The following SPAG16 variants were observed in gnomAD, a reference collection of about 807,000 sequenced individuals.
The protein encoded by SPAG16 is sperm associated antigen 16.
A neutral mutation model predicts 80.4 loss-of-function variants in SPAG16; 86 were observed. The ratio of observed to expected loss-of-function variants is 1.07; its 90% CI spans 0.90 to 1.28. SPAG16 has a LOEUF of 1.28. SPAG16 is among the 50% of genes most tolerant of loss of function. The probability of loss-of-function intolerance (pLI) is 0.00; values close to 1 mark genes in which losing one functional copy is unlikely to be tolerated. For synonymous variants in SPAG16, 294 were observed against 265.9 expected, an observed-to-expected ratio of 1.11 and a Z score of -1.03; for missense variants, 870 against 765.3, an observed-to-expected ratio of 1.14 and a Z score of -1.61.
intron 7 of SPAG16, among the ~76,000 whole-genome samples, chr2:213,361,671 A>G (rs1370567781): frequency 7.1e-6 from 1 of 140,106 alleles, no homozygotes; most frequent in Non-Finnish European, 1.7e-5. Context: ...CAGAAAAGAA[A>G]AAAAAACTCA....
At chr2:213,509,983 A>C (rs2075158013) in intron 10 of SPAG16, among the ~76,000 whole-genome samples, 1 of 152,186 alleles carries the variant, frequency 6.6e-6, no homozygotes, top group African/African-American at 2.4e-5. Flanking sequence ...GATAAAGGGG[A>C]TATCACCACC....
intron 15 of SPAG16, among the ~76,000 whole-genome samples, chr2:214,312,075 A>C (rs1028132839): frequency 1.3e-5 from 2 of 152,262 alleles, no homozygotes; most frequent in African/African-American, 2.4e-5. Flanking sequence ...AAGAGGAATT[A>C]TTCAAAGAAA....
intron 11 of SPAG16, among the ~76,000 whole-genome samples, chr2:213,864,700 AC>A (rs1280155169): frequency 6.6e-6 from 1 of 151,994 alleles, no homozygotes; most frequent in Non-Finnish European, 1.5e-5. Flanking sequence ...TGTATTCCTG[AC>A]TACAATGGTA....
At chr2:213,915,061 TG>T (rs1229573484) in intron 11 of SPAG16, among the ~76,000 whole-genome samples, 2 of 151,750 alleles carry the variant, frequency 1.3e-5, no homozygotes, top group Admixed American at 6.6e-5. Context: ...AGAAGGTGAA[TG>T]AGAATCAAAG....
intron 10 of SPAG16, among the ~76,000 whole-genome samples, chr2:213,719,235 C>T (rs1429849473): frequency 6.6e-6 from 1 of 151,968 alleles, no homozygotes; most frequent in Non-Finnish European, 1.5e-5. Context: ...TATCTAGCTG[C>T]TCTGGTGGGG....
intron 10 of SPAG16, among the ~76,000 whole-genome samples, chr2:213,672,526 T>A (rs1279309894): frequency 6.6e-6 from 1 of 152,142 alleles, no homozygotes; most frequent in Admixed American, 6.6e-5. Flanking sequence ...GTTCCATTGT[T>A]TACATTTCCC....
chr2:213,292,868 A>G (rs2062349851), intron 1 of SPAG16, among the ~76,000 whole-genome samples: 1 of 152,112 alleles, frequency 6.6e-6, no homozygotes, highest in African/African-American at 2.4e-5. Context: ...ACACTTGTAT[A>G]TCATTTACTA....
At chr2:213,657,420 G>A (rs1452865949) in intron 10 of SPAG16, among the ~76,000 whole-genome samples, 1 of 152,124 alleles carries the variant, frequency 6.6e-6, no homozygotes, top group East Asian at 1.9e-4. Flanking sequence ...ATTTTACAGT[G>A]ATATTGAATA....
At chr2:213,728,836 C>G (rs988078562) in intron 10 of SPAG16, among the ~76,000 whole-genome samples, 1 of 127,860 alleles carries the variant, frequency 7.8e-6, no homozygotes, top group Admixed American at 9.6e-5. Flanking sequence ...GAGATTGCAC[C>G]ACTGCACTCC....
At chr2:214,037,822 A>T (rs1188213516) in intron 13 of SPAG16, among the ~76,000 whole-genome samples, 1 of 150,792 alleles carries the variant, frequency 6.6e-6, no homozygotes, top group African/African-American at 2.4e-5. Context: ...ACTTTGTTTG[A>T]TACCAATATT....
At chr2:213,505,066 C>A (rs1170186776) in intron 10 of SPAG16, among the ~76,000 whole-genome samples, 2 of 152,218 alleles carry the variant, frequency 1.3e-5, no homozygotes, top group Non-Finnish European at 2.9e-5. Context: ...TTCAAAATAT[C>A]ATTTGTATCA....
At chr2:213,984,211 CTTA>C (rs1301914249) in intron 12 of SPAG16, among the ~76,000 whole-genome samples, 4 of 151,994 alleles carry the variant, frequency 2.6e-5, no homozygotes, top group African/African-American at 9.7e-5. Flanking sequence ...GATTAGAGAA[CTTA>C]TTATGGAGGT....
At chr2:213,646,145 A>G (rs2062815703) in intron 10 of SPAG16, among the ~76,000 whole-genome samples, 1 of 152,196 alleles carries the variant, frequency 6.6e-6, no homozygotes, top group Admixed American at 6.5e-5. Flanking sequence ...TGGCATCATG[A>G]TTCAAAACTG....
At chr2:214,104,388 C>G (rs1164826294) in intron 13 of SPAG16, among the ~76,000 whole-genome samples, 3 of 151,924 alleles carry the variant, frequency 2.0e-5, no homozygotes, top group Non-Finnish European at 4.4e-5. Context: ...TTGTTGGTTG[C>G]TCTAGTGGCG....
At chr2:213,528,964 A>C (rs1469487648) in intron 10 of SPAG16, among the ~76,000 whole-genome samples, 2 of 152,198 alleles carry the variant, frequency 1.3e-5, no homozygotes, top group Non-Finnish European at 1.5e-5. Context: ...CTTTCTCAGT[A>C]GATAAGAATT....
intron 10 of SPAG16, among the ~76,000 whole-genome samples, chr2:213,674,060 T>C (rs1352355509): frequency 6.6e-6 from 1 of 152,166 alleles, no homozygotes; most frequent in African/African-American, 2.4e-5. Flanking sequence ...ACTTGAGAAA[T>C]ATATGTTGTC....
At chr2:213,831,964 T>TC (rs1490299907) in intron 10 of SPAG16, among the ~76,000 whole-genome samples, 1 of 152,072 alleles carries the variant, frequency 6.6e-6, no homozygotes, top group African/African-American at 2.4e-5. Flanking sequence ...ATATTGCCTC[T>TC]GAAAAGGAAA....
At chr2:213,800,711 A>G (rs2071342274) in intron 10 of SPAG16, among the ~76,000 whole-genome samples, 1 of 152,210 alleles carries the variant, frequency 6.6e-6, no homozygotes. Context: ...GAAGCAAACC[A>G]GCCTACAGGT....
chr2:213,867,597 T>C (rs1297466825), intron 11 of SPAG16, among the ~76,000 whole-genome samples: 1 of 152,166 alleles, frequency 6.6e-6, no homozygotes, highest in East Asian at 1.9e-4. Context: ...GCTATCATCA[T>C]ATTTTTCATT....
Sources: allele counts gnomAD v4.1 joint callset (sites outside exome capture counted in the v4.1 genomes callset), GRCh38; gene constraint gnomAD v4.1.1; transcripts MANE v1.5; gene names NCBI Gene and HGNC (gene_info 2026-07-23, HGNC 2026-07-21).